The following TADA2A variants were observed in gnomAD, a reference collection of about 807,000 sequenced individuals.
TADA2A encodes transcriptional adapter 2-alpha.
A neutral mutation model predicts 67.4 loss-of-function variants in TADA2A; 38 were observed. That is an observed-to-expected ratio of 0.56 (90% CI 0.44 to 0.74). The LOEUF (loss-of-function observed/expected upper bound fraction) is 0.74, where lower values mean the gene tolerates loss of function less well. Among genes scored for constraint, TADA2A ranks in the 30% least tolerant of loss-of-function variants. The pLI, the probability that TADA2A is intolerant of heterozygous loss-of-function variation, is 0.00. For synonymous variants in TADA2A, 192 were observed against 181.6 expected (o/e 1.06, Z -0.46); for missense variants, 454 against 547.0 (o/e 0.83, Z 1.70).
chr17:37,425,052 TA>T (rs2052364613), intron 3 of TADA2A, among the ~76,000 whole-genome samples: 1 of 151,920 alleles, frequency 6.6e-6, no homozygotes, highest in South Asian at 2.1e-4. Flanking sequence ...GCTAATTTTT[TA>T]TATTTTTGGT....
chr17:37,442,830 A>G (rs1013868072), intron 7 of TADA2A, among the ~76,000 whole-genome samples, 178 bp downstream of exon 7: 2 of 152,102 alleles, frequency 1.3e-5, no homozygotes. Flanking sequence ...TCATTTGTAA[A>G]CATTTTCACA....
chr17:37,457,441 A>T (rs1235899547), intron 8 of TADA2A, among the ~76,000 whole-genome samples: 2 of 151,172 alleles, frequency 1.3e-5, no homozygotes, highest in African/African-American at 4.9e-5. Flanking sequence ...TCAGTCTTAC[A>T]AAGTGCTGGG....
At chr17:37,408,746 T>A (rs1267965574) in intron 1 of TADA2A, among the ~76,000 whole-genome samples, 1 of 152,194 alleles carries the variant, frequency 6.6e-6, no homozygotes, top group African/African-American at 2.4e-5. Flanking sequence ...TGGCAGTTAT[T>A]TGATTGCTGC....
chr17:37,454,083 G>C (rs1386815402), intron 8 of TADA2A: 2 of 151,544 alleles, frequency 1.3e-5, no homozygotes, highest in African/African-American at 4.9e-5. Flanking sequence ...TGAAAGAACT[G>C]ATTCTAATAC....
chr17:37,445,065 C>T (rs541871874), intron 8 of TADA2A, among the ~76,000 whole-genome samples: 15 of 152,304 alleles, frequency 9.8e-5, no homozygotes, highest in Non-Finnish European at 1.3e-4. Context: ...ATGGCCCTCA[C>T]TTGCATTCTT....
At chr17:37,411,808 C>A (rs2051882162) in intron 2 of TADA2A, among the ~76,000 whole-genome samples, 1 of 151,938 alleles carries the variant, frequency 6.6e-6, no homozygotes, top group South Asian at 2.1e-4. Flanking sequence ...GGCAATAAAG[C>A]CCTTTGACTC....
chr17:37,449,309 C>T (rs1363827723), intron 8 of TADA2A, among the ~76,000 whole-genome samples: 1 of 152,204 alleles, frequency 6.6e-6, no homozygotes, highest in South Asian at 2.1e-4. Flanking sequence ...GCGTGAGCCA[C>T]CGTGCCCGGC....
chr17:37,440,749 G>C, intron 6 of TADA2A, 87 bp downstream of exon 6: 3 of 1,484,732 alleles, frequency 2.0e-6, no homozygotes, highest in Non-Finnish European at 2.8e-6. Flanking sequence ...TTGATGACTT[G>C]GACAGCTAAT....
At chr17:37,473,248 C>T (rs977445345) in intron 14 of TADA2A, among the ~76,000 whole-genome samples, 2 of 145,944 alleles carry the variant, frequency 1.4e-5, no homozygotes. Flanking sequence ...GCTCAGATTA[C>T]AGGTGTGAGC....
At chr17:37,456,033 G>A (rs1350357371) in intron 8 of TADA2A, among the ~76,000 whole-genome samples, 1 of 152,052 alleles carries the variant, frequency 6.6e-6, no homozygotes, top group Non-Finnish European at 1.5e-5. Flanking sequence ...GCGAAACCCT[G>A]TCTCTACTAA....
intron 8 of TADA2A, among the ~76,000 whole-genome samples, chr17:37,456,531 C>T (rs1314555275): frequency 1.3e-5 from 2 of 152,106 alleles, no homozygotes; most frequent in Non-Finnish European, 2.9e-5. Flanking sequence ...TGCAGTGTGG[C>T]TAAGACTCAT....
chr17:37,426,789 G>T, intron 3 of TADA2A, 161 bp from the exon 4 acceptor site: 1 of 575,948 alleles, frequency 1.7e-6, no homozygotes, highest in South Asian at 2.3e-5. Flanking sequence ...AGGCTGCAGT[G>T]AGCTATGATG....
Position 37,468,734 on chromosome 17 carries a change from A to G in TADA2A, c.895+1209A>G, listed in dbSNP as rs1455146791. On this transcript the variant is annotated intron_variant, in intron 12 of 15. Coordinates refer to ENST00000615182, the MANE Select transcript of TADA2A (RefSeq NM_001166105.3). ...AAAGATTTAATTAGAGATACTGCAT[A>G]TAAGCATAGCACAGTATCTGGCACA... Among the ~76,000 whole-genome samples the G allele has an allele frequency of 3.3e-5, 5 of 151,982 alleles. No individual in the cohort carries two copies. In the East Asian group the frequency reaches 9.6e-4, roughly 29 times the overall value.
chr17:37,411,223 C>T, intron 1 of TADA2A, 46 bp from the exon 2 acceptor site: 1 of 745,500 alleles, frequency 1.3e-6, no homozygotes, highest in Admixed American at 2.1e-5. Context: ...TATCTTGTCC[C>T]TTTGAATGAT....
intron 8 of TADA2A, among the ~76,000 whole-genome samples, chr17:37,447,905 T>TA (rs2053127656): frequency 6.6e-6 from 1 of 152,298 alleles, no homozygotes; most frequent in African/African-American, 2.4e-5. Context: ...AGGACACTGA[T>TA]TCAGCCTCTG....
At chr17:37,411,131 AC>A in intron 1 of TADA2A, 137 bp from the exon 2 acceptor site, 1 of 581,444 alleles carries the variant, frequency 1.7e-6, no homozygotes, top group South Asian at 2.3e-5. Context: ...AGAGGAAGAA[AC>A]AGGTTTTCAG....
chr17:37,474,473 G>C (rs2053852840), intron 14 of TADA2A, 83 bp from the exon 15 acceptor site: 1 of 1,334,288 alleles, frequency 7.5e-7, no homozygotes, highest in South Asian at 1.3e-5. Context: ...AACTGGCCTG[G>C]CTGCACTGAA....
At chr17:37,463,351 A>T (rs1381961151) in intron 10 of TADA2A, among the ~76,000 whole-genome samples, 4 of 152,178 alleles carry the variant, frequency 2.6e-5, no homozygotes, top group Non-Finnish European at 2.9e-5. Context: ...TGGTTATTGT[A>T]AAACATCCCA....
At chr17:37,429,991 T>C (rs1312102600) in intron 4 of TADA2A, among the ~76,000 whole-genome samples, 3 of 152,254 alleles carry the variant, frequency 2.0e-5, no homozygotes, top group East Asian at 1.9e-4. Flanking sequence ...CCCAAATTAA[T>C]GCGAGAATAC....
Sources: allele counts gnomAD v4.1 joint callset (sites outside exome capture counted in the v4.1 genomes callset), GRCh38; gene constraint gnomAD v4.1.1; transcripts MANE v1.5; gene names NCBI Gene and HGNC (gene_info 2026-07-23, HGNC 2026-07-21).